The following DNAJC5B variants were observed in gnomAD, a reference collection of about 807,000 sequenced individuals.
DNAJC5B encodes the protein dnaJ homolog subfamily C member 5B.
In DNAJC5B, 23 loss-of-function variants were observed where a neutral mutation model predicts 24.7. The observed-to-expected ratio is 0.93, with a 90% CI of 0.67 to 1.32. DNAJC5B has a LOEUF of 1.32. Among genes scored for constraint, DNAJC5B ranks in the 40% most tolerant of loss-of-function variants. The pLI, the probability that DNAJC5B is intolerant of heterozygous loss-of-function variation, is 0.00. For synonymous variants in DNAJC5B, 101 were observed against 90.1 expected (o/e 1.12, Z -0.68); for missense variants, 238 against 240.8 (o/e 0.99, Z 0.08).
chr8:66,093,039 G>T (rs751139155), intron 5 of DNAJC5B, among the ~76,000 whole-genome samples: 1 of 152,036 alleles, frequency 6.6e-6, no homozygotes, highest in Non-Finnish European at 1.5e-5. Flanking sequence ...TCCATTCAGC[G>T]TTGTCCTTCT....
At position 66,039,379 on chromosome 8, in the gene DNAJC5B, T is replaced by C. The variant is rs576833426; in HGVS notation, c.-141-4109T>C. The stretch of plus-strand genomic sequence containing the variant: ...TTTTTTTTTTTTGAGATGGAGTTTC[T>C]CTCTTGTTGCCCAGGCTGGAGTGCA... On this transcript the variant is annotated intron_variant, in intron 1 of 5. Coordinates refer to ENST00000276570, the MANE Select transcript of DNAJC5B (RefSeq NM_033105.6). Among the ~76,000 whole-genome samples, 51 of 148,738 alleles carry C rather than the reference T, an allele frequency of 3.4e-4. No individual in the cohort carries two copies. In the East Asian group the frequency reaches 9.1e-3, roughly 27 times the overall value.
Position 66,100,323 on chromosome 8 carries a change from C to T in DNAJC5B, c.*292C>T, listed in dbSNP as rs1808048356. 1 of 231,382 alleles carries T rather than the reference C, an allele frequency of 4.3e-6. No homozygotes were observed. The highest frequency in any genetic ancestry group is 8.4e-6 in the Non-Finnish European group (1 of 118,394). The allele number at this position is 231,382 out of a possible 1,614,324, so 14.3% of individuals were successfully genotyped here. A position where few individuals can be genotyped will look rare whatever the true frequency, so the allele number is the denominator to read the frequency against. ...ATTGTACAGCCTTTATGAACCTGCC[C>T]TTTATGTGTGGCAGATCTGATTCCT... On this transcript the variant is annotated 3_prime_UTR_variant, in exon 6 of 6. Coordinates refer to ENST00000276570, the MANE Select transcript of DNAJC5B (RefSeq NM_033105.6).
At chr8:66,065,138 T>C (rs1807163235) in intron 3 of DNAJC5B, among the ~76,000 whole-genome samples, 1 of 152,218 alleles carries the variant, frequency 6.6e-6, no homozygotes, top group South Asian at 2.1e-4. Context: ...TGACTCTCCA[T>C]ATGGTTCTGT....
At chr8:66,042,444 C>T (rs1806630131) in intron 1 of DNAJC5B, among the ~76,000 whole-genome samples, 1 of 152,128 alleles carries the variant, frequency 6.6e-6, no homozygotes, top group Admixed American at 6.5e-5. Flanking sequence ...GAAACATAAA[C>T]TAAAACATAC....
At chr8:66,016,283 C>G in the DNAJC5B span, among the ~76,000 whole-genome samples, 3 of 152,206 alleles carry the variant, frequency 2.0e-5, no homozygotes, top group African/African-American at 7.2e-5. Flanking sequence ...TCCCCATAAT[C>G]CTCACATGTT....
intron 1 of DNAJC5B, among the ~76,000 whole-genome samples, chr8:66,036,225 A>G (rs1041478554): frequency 6.6e-6 from 1 of 151,856 alleles, no homozygotes; most frequent in African/African-American, 2.4e-5. Flanking sequence ...GCATTTATTC[A>G]CTGCTGGTGA....
intron 3 of DNAJC5B, among the ~76,000 whole-genome samples, chr8:66,071,082 C>T (rs930458034): frequency 2.0e-5 from 3 of 152,144 alleles, no homozygotes; most frequent in Non-Finnish European, 4.4e-5. Flanking sequence ...AATGTAAGAC[C>T]TAGTACCATA....
chr8:66,021,019 T>G (rs1285880715), upstream of DNAJC5B, among the ~76,000 whole-genome samples: 1 of 152,158 alleles, frequency 6.6e-6, no homozygotes, highest in African/African-American at 2.4e-5. Context: ...AGAAGTCACC[T>G]TACTTGTTAA....
chr8:66,068,802 A>C (rs1356983527), intron 3 of DNAJC5B, among the ~76,000 whole-genome samples: 1 of 152,152 alleles, frequency 6.6e-6, no homozygotes, highest in Non-Finnish European at 1.5e-5. Flanking sequence ...AAACTTCCAG[A>C]ATCTAAACAT....
intron 1 of DNAJC5B, among the ~76,000 whole-genome samples, chr8:66,029,229 G>A (rs1806310375): frequency 6.6e-6 from 1 of 152,214 alleles, no homozygotes; most frequent in Non-Finnish European, 1.5e-5. Flanking sequence ...TGAGCCAGGT[G>A]GGATTGGGAG....
chr8:66,031,625 A>T (rs1806362680), intron 1 of DNAJC5B, among the ~76,000 whole-genome samples: 1 of 152,214 alleles, frequency 6.6e-6, no homozygotes, highest in African/African-American at 2.4e-5. Context: ...TGCACTCAGC[A>T]TGCCTGAGAC....
intron 1 of DNAJC5B, among the ~76,000 whole-genome samples, chr8:66,035,059 T>A (rs1353335849): frequency 6.6e-6 from 1 of 152,198 alleles, no homozygotes; most frequent in East Asian, 1.9e-4. Context: ...ATGGTTAGTA[T>A]CAATGAAAGA....
intron 1 of DNAJC5B, among the ~76,000 whole-genome samples, chr8:66,031,579 C>T (rs1806361573): frequency 6.6e-6 from 1 of 152,098 alleles, no homozygotes; most frequent in Non-Finnish European, 1.5e-5. Context: ...AAGGAGTTGG[C>T]CCATGTGGGT....
At chr8:66,071,532 A>C (rs530041168) in intron 3 of DNAJC5B, among the ~76,000 whole-genome samples, 12 of 152,238 alleles carry the variant, frequency 7.9e-5, no homozygotes, top group Non-Finnish European at 1.6e-4. Flanking sequence ...AATGGTGATC[A>C]TTAAAAAAGT....
At chr8:66,085,560 G>A (rs963042797) in intron 5 of DNAJC5B, among the ~76,000 whole-genome samples, 12 of 152,032 alleles carry the variant, frequency 7.9e-5, no homozygotes, top group East Asian at 5.8e-4. Flanking sequence ...GTGACAGAGC[G>A]AGACTCCATC....
chr8:66,036,227 T>C (rs1435708116), intron 1 of DNAJC5B, among the ~76,000 whole-genome samples: 1 of 152,198 alleles, frequency 6.6e-6, no homozygotes, highest in Non-Finnish European at 1.5e-5. Context: ...ATTTATTCAC[T>C]GCTGGTGAAC....
chr8:66,075,502 ATATTTCAT>A (rs1301198662), intron 3 of DNAJC5B, among the ~76,000 whole-genome samples: 2 of 152,212 alleles, frequency 1.3e-5, no homozygotes, highest in East Asian at 3.8e-4. Context: ...CTATTAGCAA[ATATTTCAT>A]TATAAATTCT....
At chr8:66,092,298 C>T (rs1563613126) in intron 5 of DNAJC5B, among the ~76,000 whole-genome samples, 1 of 152,140 alleles carries the variant, frequency 6.6e-6, no homozygotes. Flanking sequence ...ATTCACGCAG[C>T]ACAACGAGTG....
upstream of DNAJC5B, among the ~76,000 whole-genome samples, chr8:66,017,035 A>C (rs75813817): frequency 6.6e-6 from 1 of 151,116 alleles, no homozygotes; most frequent in Non-Finnish European, 1.5e-5. Context: ...TCTTGTTCCT[A>C]TATATAACTT....
Sources: gnomAD v4.1 joint callset for allele counts (sites outside exome capture counted in the v4.1 genomes callset) on GRCh38, gnomAD v4.1.1 for gene constraint, MANE v1.5 for transcripts, NCBI Gene and HGNC (gene_info 2026-07-23, HGNC 2026-07-21) for gene names.